Variants in METTL15 observed in about 807,000 individuals in gnomAD.
METTL15 encodes the protein 12S rRNA N(4)-cytidine methyltransferase METTL15.
METTL15 carries 34 observed loss-of-function variants against 38.3 expected under a neutral mutation model. The ratio of observed to expected loss-of-function variants is 0.89; its 90% CI spans 0.68 to 1.18. METTL15 has a LOEUF of 1.18. Among genes scored for constraint, METTL15 ranks in the 50% most tolerant of loss-of-function variants. The pLI is 0.00. For missense variants in METTL15, 438 were observed against 498.4 expected, an observed-to-expected ratio of 0.88 and a Z score of 1.15; for synonymous variants, 162 against 170.9, an observed-to-expected ratio of 0.95 and a Z score of 0.41.
At chr11:28,137,269 ACCTT>A (rs2133649019) in intron 3 of METTL15, among the ~76,000 whole-genome samples, 2 of 152,262 alleles carry the variant, frequency 1.3e-5, no homozygotes, top group South Asian at 4.2e-4. Flanking sequence ...ATTTTTATAA[ACCTT>A]CCACTCTTTG....
chr11:28,193,794 C>T (rs1753536046), intron 3 of METTL15, among the ~76,000 whole-genome samples: 1 of 152,032 alleles, frequency 6.6e-6, no homozygotes, highest in South Asian at 2.1e-4. Flanking sequence ...TTTTATGTTT[C>T]ATTTCATTCA....
At chr11:28,218,962 A>T (rs1853047611) in intron 4 of METTL15, among the ~76,000 whole-genome samples, 1 of 152,160 alleles carries the variant, frequency 6.6e-6, no homozygotes, top group African/African-American at 2.4e-5. Context: ...TCGGTTTGCC[A>T]GTATGTTATT....
intron 4 of METTL15, among the ~76,000 whole-genome samples, chr11:28,240,866 T>G (rs1267239014): frequency 6.6e-6 from 1 of 152,190 alleles, no homozygotes; most frequent in African/African-American, 2.4e-5. Flanking sequence ...TGGATAACCC[T>G]TTTAATCTTT....
At chr11:28,221,092 A>G (rs775026149) in intron 4 of METTL15, among the ~76,000 whole-genome samples, 27 of 151,960 alleles carry the variant, frequency 1.8e-4, no homozygotes, top group Non-Finnish European at 3.7e-4. Context: ...TGTTTCCTGC[A>G]TTTGAATGTT....
chr11:28,272,316 C>T (rs1487389565), intron 4 of METTL15, among the ~76,000 whole-genome samples: 1 of 152,118 alleles, frequency 6.6e-6, no homozygotes, highest in African/African-American at 2.4e-5. Flanking sequence ...TTGGAACCAA[C>T]TCAAAAGCCC....
chr11:28,312,729 A>AT (rs1425899230), intron 6 of METTL15, among the ~76,000 whole-genome samples: 2 of 152,154 alleles, frequency 1.3e-5, no homozygotes, highest in African/African-American at 4.8e-5. Flanking sequence ...ATGTCATCTC[A>AT]TGGCAGAAAG....
At chr11:28,430,665 C>T (rs528276310) in intron 6 of METTL15, among the ~76,000 whole-genome samples, 1,376 of 91,072 alleles carry the variant, frequency 0.015, 105 homozygotes, top group African/African-American at 0.061. Context: ...TGCCCGGCCA[C>T]CCCTACTGGG....
intron 3 of METTL15, among the ~76,000 whole-genome samples, chr11:28,186,274 G>A (rs1414645205): frequency 6.6e-6 from 1 of 151,222 alleles, no homozygotes; most frequent in African/African-American, 2.4e-5. Flanking sequence ...TGATTGGAAT[G>A]AGAGAATATT....
At chr11:28,525,069 C>T (rs923913165) in intron 6 of METTL15, among the ~76,000 whole-genome samples, 5 of 151,996 alleles carry the variant, frequency 3.3e-5, no homozygotes, top group African/African-American at 9.7e-5. Flanking sequence ...TTCGTGGTCT[C>T]GCTGGCTTCA....
intron 4 of METTL15, among the ~76,000 whole-genome samples, chr11:28,248,025 CAA>C (rs1172460042): frequency 2.0e-5 from 3 of 152,006 alleles, no homozygotes; most frequent in Admixed American, 2.0e-4. Flanking sequence ...TTGAAGATAG[CAA>C]TAAGAGTATT....
intron 5 of METTL15, among the ~76,000 whole-genome samples, chr11:28,389,171 A>T (rs1374787654): frequency 6.6e-6 from 1 of 151,684 alleles, no homozygotes; most frequent in Non-Finnish European, 1.5e-5. Flanking sequence ...TAGCAGCATG[A>T]TTTATAATCC....
intron 6 of METTL15, among the ~76,000 whole-genome samples, chr11:28,307,190 G>A (rs911002798): frequency 2.6e-5 from 4 of 151,718 alleles, no homozygotes; most frequent in Non-Finnish European, 5.9e-5. Flanking sequence ...GTGTGTGATA[G>A]CATATAACAC....
chr11:28,457,499 A>G (rs1017573404), intron 6 of METTL15, among the ~76,000 whole-genome samples: 7 of 152,228 alleles, frequency 4.6e-5, no homozygotes, highest in African/African-American at 1.7e-4. Context: ...CCACTCAAGC[A>G]GTCTGAAAGG....
At chr11:28,270,221 A>T (rs1448005554) in intron 4 of METTL15, among the ~76,000 whole-genome samples, 2 of 151,994 alleles carry the variant, frequency 1.3e-5, no homozygotes, top group Admixed American at 6.6e-5. Context: ...CCGTGTTGGC[A>T]TTTTTTTGTA....
rs573304753 is a variant in METTL15 at position 28,420,090 on chromosome 11, AC to A, written c.*359-4208del. On this transcript the variant is annotated intron_variant and NMD_transcript_variant, in intron 5 of 7. Coordinates refer to the METTL15 transcript ENST00000532947. ...CCTTAAAGAAAAGACAGAGAAAGAG[AC>A]AAAGTTAGAAAGTTTATTTAAAGAG... Among the ~76,000 whole-genome samples, 655 of 152,304 alleles carry A rather than the reference AC, an allele frequency of 4.3e-3. 4 individuals are homozygous for A. The highest frequency in any genetic ancestry group is 7.4e-3 in the Non-Finnish European group (502 of 68,008).
At chr11:28,212,890 T>C (rs1055710280) in intron 4 of METTL15, among the ~76,000 whole-genome samples, 1 of 152,196 alleles carries the variant, frequency 6.6e-6, no homozygotes, top group Non-Finnish European at 1.5e-5. Flanking sequence ...TTTCAGTGGC[T>C]CTTATTCCTT....
At chr11:28,329,228 T>C (rs574068748) in intron 6 of METTL15, among the ~76,000 whole-genome samples, 1 of 152,230 alleles carries the variant, frequency 6.6e-6, no homozygotes, top group South Asian at 2.1e-4. Context: ...AATTGAATGG[T>C]CTTGGCACTC....
intron 4 of METTL15, among the ~76,000 whole-genome samples, chr11:28,243,246 T>A (rs766790024): frequency 3.3e-5 from 5 of 152,174 alleles, no homozygotes; most frequent in Non-Finnish European, 5.9e-5. Flanking sequence ...AGCAGCACTA[T>A]TCCAAGCAGA....
At chr11:28,377,697 G>C (rs1230743740) in intron 5 of METTL15, among the ~76,000 whole-genome samples, 3 of 152,180 alleles carry the variant, frequency 2.0e-5, no homozygotes, top group Non-Finnish European at 2.9e-5. Flanking sequence ...TTCCTTTGCT[G>C]GTGAGGAGCT....
Sources: gnomAD v4.1 joint callset for allele counts (sites outside exome capture counted in the v4.1 genomes callset) on GRCh38, gnomAD v4.1.1 for gene constraint, MANE v1.5 for transcripts, NCBI Gene and HGNC (gene_info 2026-07-23, HGNC 2026-07-21) for gene names.